FAM83F: variants seen among roughly 807,000 people sequenced by gnomAD.
FAM83F encodes the protein protein FAM83F.
A neutral mutation model predicts 42.9 loss-of-function variants in FAM83F; 45 were observed. The observed-to-expected ratio is 1.05, with a 90% CI of 0.83 to 1.35. The LOEUF (loss-of-function observed/expected upper bound fraction) is 1.35. Ranked by LOEUF, FAM83F falls within the 40% of genes most tolerant of loss-of-function variation. FAM83F has a pLI of 0.00. For synonymous variants in FAM83F, 306 were observed against 298.3 expected, an observed-to-expected ratio of 1.03 and a Z score of -0.27; for missense variants, 617 against 695.9, an observed-to-expected ratio of 0.89 and a Z score of 1.28.
rs2067621179 is a variant in FAM83F at position 40,035,901 on chromosome 22, C to T, written c.*6336C>T. The T allele has an allele frequency of 6.6e-6, 1 of 152,200 alleles. No homozygotes were observed. Among genetic ancestry groups the T allele is most frequent in the Non-Finnish European group, 1.5e-5 (1 of 68,040 alleles). The allele number at this position is 152,200 out of a possible 1,614,324, so 9.4% of individuals were successfully genotyped here. A position where few individuals can be genotyped will look rare whatever the true frequency, so the allele number is the denominator to read the frequency against. On this transcript the variant is annotated 3_prime_UTR_variant, in exon 5 of 5. Coordinates refer to ENST00000333407, the MANE Select transcript of FAM83F (RefSeq NM_138435.4). ...TTGGGATCTTCTCTCCTAGATCCTC[C>T]CCTTTAATTCCCTGTGAAATTTACC...
intron 1 of FAM83F, among the ~76,000 whole-genome samples, chr22:40,002,582 G>A (rs1235395316): frequency 6.6e-6 from 1 of 152,192 alleles, no homozygotes; most frequent in African/African-American, 2.4e-5. Context: ...GATCCCATGC[G>A]GCTGGGAGCC....
chr22:40,012,357 A>G (rs941774514), intron 1 of FAM83F, among the ~76,000 whole-genome samples: 1 of 150,872 alleles, frequency 6.6e-6, no homozygotes, highest in Non-Finnish European at 1.5e-5. Flanking sequence ...CTGGTCTCAA[A>G]CTCCTGACCT....
rs1368673204 is a variant in FAM83F at position 40,007,553 on chromosome 22, CTCCTCTCCTCTCCTCCTCCTCTCCTCT to C, written c.490-11614_490-11588del. Among the ~76,000 whole-genome samples, 49 of 6,740 alleles carry C rather than the reference CTCCTCTCCTCTCCTCCTCCTCTCCTCT, an allele frequency of 7.3e-3. 1 individual carries two copies. The East Asian group carries it at 0.25, about 34-fold the overall frequency. The allele number at this position is 6,740 out of a possible 152,430, so 4.4% of individuals were successfully genotyped here. A position where few individuals can be genotyped will look rare whatever the true frequency, so the allele number is the denominator to read the frequency against. ...CTCCTCCTCTCCTCCTCCTCTCCTC[CTCCTCTCCTCTCCTCCTCCTCTCCTCT>C]CCTCCTCCTCTCTTCTCCTCCTCCT... On this transcript the variant is annotated intron_variant, in intron 1 of 4. Coordinates refer to ENST00000333407, the MANE Select transcript of FAM83F (RefSeq NM_138435.4).
At chr22:40,024,307 C>T (rs1399339397) in intron 4 of FAM83F, among the ~76,000 whole-genome samples, 4 of 152,220 alleles carry the variant, frequency 2.6e-5, no homozygotes, top group Non-Finnish European at 5.9e-5. Flanking sequence ...AGGAGCTCCT[C>T]TCCTAAGAGG....
chr22:40,016,130 T>C (rs952440772), intron 1 of FAM83F, among the ~76,000 whole-genome samples: 5 of 152,166 alleles, frequency 3.3e-5, no homozygotes, highest in African/African-American at 1.2e-4. Flanking sequence ...ACCAAAGCCA[T>C]TGGTCAGGAA....
rs143282837 is a variant in FAM83F, at chr22:40,020,084, A to C, written c.779+76A>C. Reference sequence around the variant, plus strand: ...GGTGTTCAGGAAGATGCCAGACCGGAGCCTCCGTCATCATGAGTGTGTAAC... The same window carrying C: ...GGTGTTCAGGAAGATGCCAGACCGGCGCCTCCGTCATCATGAGTGTGTAAC... On this transcript the variant is annotated intron_variant, in intron 3 of 4. Transcript: ENST00000333407. The C allele has an allele frequency of 5.1e-4, 779 of 1,535,080 alleles. 2 individuals are homozygous for C. The African/African-American group carries it at 9.8e-3, about 19-fold the overall frequency.
chr22:40,001,099 G>A (rs998285808), intron 1 of FAM83F, among the ~76,000 whole-genome samples: 2 of 152,192 alleles, frequency 1.3e-5, no homozygotes, highest in African/African-American at 2.4e-5. Context: ...GGCAAGCCCT[G>A]GACGAATTGG....
At chr22:40,001,390 G>T (rs549486922) in intron 1 of FAM83F, among the ~76,000 whole-genome samples, 1 of 152,306 alleles carries the variant, frequency 6.6e-6, no homozygotes, top group Non-Finnish European at 1.5e-5. Context: ...CATGTCCCCA[G>T]CACTTTGGGA....
At chr22:40,009,766 C>T (rs2067453216) in intron 1 of FAM83F, 2 of 152,338 alleles carry the variant, frequency 1.3e-5, no homozygotes, top group South Asian at 2.1e-4. Context: ...AGAGCCATGC[C>T]TTCTCTAGTC....
intron 4 of FAM83F, among the ~76,000 whole-genome samples, chr22:40,027,184 G>A (rs1374857440): frequency 7.9e-5 from 12 of 152,092 alleles, no homozygotes; most frequent in Admixed American, 6.5e-4. Context: ...AAGGAGCCTC[G>A]GAGCAAGACT....
Position 40,021,333 on chromosome 22 carries a change from C to T in FAM83F, c.823C>T (p.Leu275Phe). The T allele has an allele frequency of 6.3e-7, 1 of 1,576,750 alleles. No homozygotes were observed. Among genetic ancestry groups the T allele is most frequent in the Non-Finnish European group, 8.6e-7 (1 of 1,156,540 alleles). ...SSHVDRNLLL[L>F]LTGQNVEPFD... ...CCATGTGGACAGAAACCTCCTCCTG[C>T]TCCTGACAGGACAGAACGTAGAGCC... The change falls in exon 4 of 5, where the codon CTC (leucine) becomes TTC (phenylalanine). Residue 275 changes from leucine (L) to phenylalanine (F), a missense_variant. Leu to Phe is a conservative substitution (Grantham distance 22, BLOSUM62 0). Coordinates refer to ENST00000333407, the MANE Select transcript of FAM83F (RefSeq NM_138435.4). The surrounding 1 kb of genome is among the most constrained non-coding windows in gnomAD (Gnocchi z 8.7).
At chr22:40,007,800 C>T (rs927869842) in intron 1 of FAM83F, among the ~76,000 whole-genome samples, 1 of 152,166 alleles carries the variant, frequency 6.6e-6, no homozygotes, top group African/African-American at 2.4e-5. Context: ...GTGGTTCCCA[C>T]TCTACTGGCA....
At position 40,021,225 on chromosome 22, in the gene FAM83F, G is replaced by A; in HGVS notation, c.780-65G>A. 6.8e-7 allele frequency: 1 copy of A among 1,474,516 alleles called. No homozygotes were observed. The highest frequency in any genetic ancestry group is 9.0e-7 in the Non-Finnish European group (1 of 1,111,784). The allele number at this position is 1,474,516 out of a possible 1,614,324, so 91.3% of individuals were successfully genotyped here. On this transcript the variant is annotated intron_variant, in intron 3 of 4. Transcript: ENST00000333407. This position sits in a 1 kb window ranked among gnomAD's most constrained non-coding sequence, Gnocchi z 8.7. ...GGCCACAGCGGAGGGGCAGGTGGGGGCGGGGGCAGGGCAAGAGAGAGGCCT... is the reference window on the plus strand; with the variant it reads ...GGCCACAGCGGAGGGGCAGGTGGGGACGGGGGCAGGGCAAGAGAGAGGCCT...
chr22:40,041,123 A>G lies in FAM83F; in HGVS notation c.*11558A>G, dbSNP rs578195013. 6.6e-6 allele frequency: 1 copy of G among 152,366 alleles called. No individual in the cohort carries two copies. Among genetic ancestry groups the G allele is most frequent in the South Asian group, 2.1e-4 (1 of 4,830 alleles). 9.4% of individuals were successfully genotyped at this position (152,366 alleles called of 1,614,324 possible). The stretch of plus-strand genomic sequence containing the variant: ...AGCACTTTTGGTAGCCAGCCAAGGC[A>G]GCTATCACTCATGAAATCTGCCTTC... On this transcript the variant is annotated 3_prime_UTR_variant, in exon 5 of 5. Transcript: ENST00000333407.
At chr22:39,996,412 C>T (rs2067373636) in intron 1 of FAM83F, among the ~76,000 whole-genome samples, 1 of 152,190 alleles carries the variant, frequency 6.6e-6, no homozygotes, top group Non-Finnish European at 1.5e-5. Context: ...TTATCCCAAA[C>T]ATGACATGAG....
At position 40,019,267 on chromosome 22, in the gene FAM83F, G is replaced by T; in HGVS notation, c.589G>T (p.Asp197Tyr). ...CCGGGTCCCAGTGTACATCATCCTGGACGAGGCAGGAGTGAAGTATTTCCT... is the reference window on the plus strand; with the variant it reads ...CCGGGTCCCAGTGTACATCATCCTGTACGAGGCAGGAGTGAAGTATTTCCT... ...KRRVPVYIIL[D>Y]EAGVKYFLEM... Residue 197 changes from aspartate to tyrosine, a missense_variant, in exon 2 of 5, where the codon GAC becomes TAC. By Grantham distance (160) the Asp-to-Tyr change is radical (BLOSUM62 -3). Transcript: ENST00000333407. The T allele has an allele frequency of 6.2e-7, 1 of 1,614,164 alleles. No homozygotes were observed. The highest frequency in any genetic ancestry group is 8.5e-7 in the Non-Finnish European group (1 of 1,180,020).
In FAM83F at chr22:40,021,805, C is replaced by T; in HGVS notation, c.1295C>T (p.Ala432Val). 1 of 1,612,558 alleles carries T rather than the reference C, an allele frequency of 6.2e-7. No homozygotes were observed. Among genetic ancestry groups the T allele is most frequent in the South Asian group, 1.1e-5 (1 of 91,054 alleles). ...NGMGEAARGE[A>V]APARRFSSRL... ...ATGGGAGAAGCGGCCCGGGGGGAGG[C>T]CGCCCCCGCCAGGCGCTTCAGCAGC... Residue 432 changes from alanine (A) to valine (V), a missense_variant, in exon 4 of 5, where the codon GCC (alanine) becomes GTC (valine). Coordinates refer to ENST00000333407, the MANE Select transcript of FAM83F (RefSeq NM_138435.4). The surrounding 1 kb of genome is among the most constrained non-coding windows in gnomAD (Gnocchi z 8.7).
chr22:40,003,916 T>C (rs2067414553), intron 1 of FAM83F, among the ~76,000 whole-genome samples: 1 of 152,130 alleles, frequency 6.6e-6, no homozygotes, highest in African/African-American at 2.4e-5. Flanking sequence ...TATTTATTTA[T>C]TTTTCAGCAG....
intron 1 of FAM83F, among the ~76,000 whole-genome samples, chr22:40,006,450 C>A (rs2067429482): frequency 6.6e-6 from 1 of 152,166 alleles, no homozygotes. Flanking sequence ...CAGCACTGGG[C>A]AGACATGTGT....
Sources: allele counts gnomAD v4.1 joint callset (sites outside exome capture counted in the v4.1 genomes callset), GRCh38; gene constraint gnomAD v4.1.1; non-coding constraint Gnocchi (gnomAD v3.1); transcripts MANE v1.5; gene names NCBI Gene and HGNC (gene_info 2026-07-23, HGNC 2026-07-21).